Variants in FRMD4A observed in about 807,000 individuals in gnomAD.
FRMD4A encodes the protein FERM domain-containing protein 4A.
Under a neutral mutation model 129.1 loss-of-function variants are expected in FRMD4A, and 29 were observed. That is an observed-to-expected ratio of 0.22 (90% CI 0.17 to 0.31). FRMD4A has a LOEUF of 0.31. Ranked by LOEUF, FRMD4A falls within the 10% of genes least tolerant of loss-of-function variation. The pLI, the probability that FRMD4A is intolerant of heterozygous loss-of-function variation, is 1.00. For missense variants in FRMD4A, 1,272 were observed against 1,375.8 expected (o/e 0.92, Z 1.19); for synonymous variants, 634 against 571.6 (o/e 1.11, Z -1.56).
rs2095538396 is a variant in FRMD4A at position 13,975,352 on chromosome 10, GTGTC to G, written c.46-116444_46-116441del. Among the ~76,000 whole-genome samples, 5 of 151,884 alleles carry G rather than the reference GTGTC, an allele frequency of 3.3e-5. No individual in the cohort carries two copies. In the South Asian group the frequency reaches 8.3e-4, roughly 25 times the overall value. ...TCTCTGAGCCTCTATGTATGTGTCTGTGTCTGTGTGTATGTGTGTGTCTACTGCA... is the reference window on the plus strand; with the variant it reads ...TCTCTGAGCCTCTATGTATGTGTCTGTGTGTGTATGTGTGTGTCTACTGCA... On this transcript the variant is annotated intron_variant, in intron 2 of 24. Transcript: ENST00000357447.
At chr10:13,741,366 G>C (rs1001471709) in intron 9 of FRMD4A, among the ~76,000 whole-genome samples, 2 of 152,104 alleles carry the variant, frequency 1.3e-5, no homozygotes, top group African/African-American at 4.8e-5. Flanking sequence ...TGGGAGGATT[G>C]CTTGAGCCCA....
intron 2 of FRMD4A, among the ~76,000 whole-genome samples, chr10:14,031,126 C>A (rs548980129): frequency 3.7e-4 from 56 of 152,188 alleles, no homozygotes; most frequent in Non-Finnish European, 7.1e-4. Flanking sequence ...GAGGTCGCCA[C>A]CAGAAGTGTG....
intron 2 of FRMD4A, among the ~76,000 whole-genome samples, chr10:14,294,518 C>T (rs931814234): frequency 3.3e-5 from 5 of 152,190 alleles, no homozygotes; most frequent in African/African-American, 1.2e-4. Flanking sequence ...TATTATTATG[C>T]TCTCTTCATG....
intron 5 of FRMD4A, among the ~76,000 whole-genome samples, chr10:13,791,724 G>T (rs2093005662): frequency 6.6e-6 from 1 of 152,162 alleles, no homozygotes; most frequent in South Asian, 2.1e-4. Flanking sequence ...TGAAGGCATG[G>T]ATGATGATGC....
At chr10:13,724,620 G>T (rs1003849860) in intron 12 of FRMD4A, among the ~76,000 whole-genome samples, 1 of 152,162 alleles carries the variant, frequency 6.6e-6, no homozygotes, top group African/African-American at 2.4e-5. Context: ...AGGTCAACGG[G>T]GCTCCCTGAG....
At chr10:13,959,605 T>G (rs1341379665) in intron 2 of FRMD4A, among the ~76,000 whole-genome samples, 1 of 151,186 alleles carries the variant, frequency 6.6e-6, no homozygotes, top group Non-Finnish European at 1.5e-5. Flanking sequence ...CCAGGTTGTG[T>G]CATGACAGCT....
chr10:13,680,085 G>A (rs2084407606), intron 15 of FRMD4A, among the ~76,000 whole-genome samples: 1 of 152,218 alleles, frequency 6.6e-6, no homozygotes, highest in Admixed American at 6.5e-5. Flanking sequence ...TGCCTGCCTT[G>A]ATGCCCTCAA....
At chr10:13,764,713 T>C (rs1216501768) in intron 6 of FRMD4A, among the ~76,000 whole-genome samples, 2 of 152,186 alleles carry the variant, frequency 1.3e-5, no homozygotes, top group Non-Finnish European at 2.9e-5. Flanking sequence ...ATCCTATGTC[T>C]GGTGTCAAGC....
chr10:14,281,085 T>C (rs2132060605), intron 2 of FRMD4A, among the ~76,000 whole-genome samples: 1 of 141,090 alleles, frequency 7.1e-6, no homozygotes, highest in East Asian at 2.2e-4. Context: ...CTCCACCTCC[T>C]GGGTTCAAGT....
At chr10:14,217,123 CATTTTACTATACAGA>C (rs1054896861) in intron 2 of FRMD4A, among the ~76,000 whole-genome samples, 39 of 152,204 alleles carry the variant, frequency 2.6e-4, no homozygotes, top group African/African-American at 8.0e-4. Flanking sequence ...TTAGTTTAAA[CATTTTACTATACAGA>C]ATGTTTCCAA....
rs1182832621 is a variant in FRMD4A, at chr10:13,647,029, G to A, written c.*9C>T. The A allele has an allele frequency of 3.2e-6, 3 of 939,472 alleles. No homozygotes were observed. The highest frequency in any genetic ancestry group is 9.8e-5 in the South Asian group (2 of 20,398). The allele number at this position is 939,472 out of a possible 1,614,324, so 58.2% of individuals were successfully genotyped here. On this transcript the variant is annotated 3_prime_UTR_variant, in exon 25 of 25. Coordinates refer to ENST00000357447, the MANE Select transcript of FRMD4A (RefSeq NM_018027.5). Reference sequence around the variant, plus strand: ...AGGAATCCAGGAAACAGCTATCATTGTAGCTCCTGTGGGAGGCCCAAGAAA... The same window carrying A: ...AGGAATCCAGGAAACAGCTATCATTATAGCTCCTGTGGGAGGCCCAAGAAA...
chr10:14,144,557 T>C (rs200436562), intron 2 of FRMD4A, among the ~76,000 whole-genome samples: 80 of 152,208 alleles, frequency 5.3e-4, no homozygotes, highest in African/African-American at 1.6e-3. Flanking sequence ...TCACTGACAA[T>C]AGGGTGTCTT....
chr10:13,886,849 A>G (rs528165923), intron 2 of FRMD4A, among the ~76,000 whole-genome samples: 1 of 152,352 alleles, frequency 6.6e-6, no homozygotes, highest in South Asian at 2.1e-4. Context: ...GGAGTGCTCA[A>G]CATGAGCAGC....
intron 2 of FRMD4A, among the ~76,000 whole-genome samples, chr10:14,295,885 T>C (rs1426323900): frequency 6.6e-6 from 1 of 151,956 alleles, no homozygotes; most frequent in Admixed American, 6.6e-5. Context: ...TTTAAGAAAA[T>C]GAAATGCAGC....
In FRMD4A at chr10:13,908,157, C is replaced by G. The variant is rs537972925; in HGVS notation, c.46-49245G>C. Among the ~76,000 whole-genome samples, 395 of 85,832 alleles carry G rather than the reference C, an allele frequency of 4.6e-3. 4 individuals are homozygous for G. Among genetic ancestry groups the G allele is most frequent in the African/African-American group, 0.016 (382 of 24,460 alleles). The allele number at this position is 85,832 out of a possible 152,430, so 56.3% of individuals were successfully genotyped here. A position where few individuals can be genotyped will look rare whatever the true frequency, so the allele number is the denominator to read the frequency against. Reference sequence around the variant, plus strand: ...TCCAGCCTGGACAAGAAGACGGAAACTCCATCTAAAAAAAAAAAAAAAAAA... The same window carrying G: ...TCCAGCCTGGACAAGAAGACGGAAAGTCCATCTAAAAAAAAAAAAAAAAAA... On this transcript the variant is annotated intron_variant, in intron 2 of 24. Transcript: ENST00000357447.
intron 2 of FRMD4A, among the ~76,000 whole-genome samples, chr10:14,185,754 C>A (rs1390147821): frequency 6.6e-6 from 1 of 152,170 alleles, no homozygotes; most frequent in African/African-American, 2.4e-5. Flanking sequence ...GTAGACCAGG[C>A]TAGTACCAGC....
chr10:13,908,264 G>A (rs1565016476), intron 2 of FRMD4A, among the ~76,000 whole-genome samples: 1 of 147,696 alleles, frequency 6.8e-6, no homozygotes, highest in Non-Finnish European at 1.5e-5. Context: ...CTTATTGAAA[G>A]CAAGAGAGAG....
At chr10:14,099,840 T>C (rs182888796) in intron 2 of FRMD4A, among the ~76,000 whole-genome samples, 106 of 152,364 alleles carry the variant, frequency 7.0e-4, no homozygotes, top group African/African-American at 2.3e-3. Context: ...TTGTCCAGGC[T>C]GGCCTCAAAC....
At chr10:14,256,344 G>A (rs959796824) in intron 2 of FRMD4A, among the ~76,000 whole-genome samples, 1 of 152,112 alleles carries the variant, frequency 6.6e-6, no homozygotes, top group South Asian at 2.1e-4. Flanking sequence ...AATTCAAAAA[G>A]TGACAGTTCT....
Sources: gnomAD v4.1 joint callset for allele counts (sites outside exome capture counted in the v4.1 genomes callset) on GRCh38, gnomAD v4.1.1 for gene constraint, MANE v1.5 for transcripts, NCBI Gene and HGNC (gene_info 2026-07-23, HGNC 2026-07-21) for gene names.